PPFIBP2: variants seen among roughly 807,000 people sequenced by gnomAD.
PPFIBP2 encodes the protein PPFIB scaffold protein 2, also known as liprin-beta-2.
In PPFIBP2, 118 loss-of-function variants were observed where a neutral mutation model predicts 118.3. That is an observed-to-expected ratio of 1.00 (90% CI 0.86 to 1.16). The LOEUF is 1.16. PPFIBP2 is among the 50% of genes most tolerant of loss of function. The pLI, the probability that PPFIBP2 is intolerant of heterozygous loss-of-function variation, is 0.00. For synonymous variants in PPFIBP2, 414 were observed against 397.4 expected, an observed-to-expected ratio of 1.04 and a Z score of -0.50; for missense variants, 1,195 against 1,073.1, an observed-to-expected ratio of 1.11 and a Z score of -1.59.
chr11:7,617,605 C>T (rs73413158), intron 6 of PPFIBP2, among the ~76,000 whole-genome samples: 2,173 of 152,240 alleles, frequency 0.014, 49 homozygotes, highest in African/African-American at 0.05. Flanking sequence ...CCTCATGATT[C>T]CCCTTCTCAG....
intron 17 of PPFIBP2, among the ~76,000 whole-genome samples, chr11:7,644,889 T>TGGTGGCGGGCGC (rs1167462025): frequency 3.4e-5 from 5 of 148,872 alleles, no homozygotes; most frequent in Non-Finnish European, 6.0e-5. Context: ...TAGCCGGGCG[T>TGGTGGCGGGCGC]GGTGGCGGGC....
At chr11:7,527,149 A>G (rs1850304134) in intron 1 of PPFIBP2, among the ~76,000 whole-genome samples, 1 of 151,598 alleles carries the variant, frequency 6.6e-6, no homozygotes, top group African/African-American at 2.4e-5. Flanking sequence ...ACCTTGGGCC[A>G]TAGAGTGAGC....
intron 1 of PPFIBP2, among the ~76,000 whole-genome samples, chr11:7,522,575 C>G (rs112370462): frequency 2.6e-5 from 4 of 152,260 alleles, no homozygotes; most frequent in African/African-American, 9.6e-5. Context: ...CAGAGGAGAG[C>G]TGCCAGAAGG....
rs71059113 is a variant in PPFIBP2, at chr11:7,604,479, C to CT, written c.487-5812_487-5811insT. Among the ~76,000 whole-genome samples, 454 of 150,008 alleles carry CT rather than the reference C, an allele frequency of 3.0e-3. 2 individuals are homozygous for CT. The highest frequency in any genetic ancestry group is 0.011 in the African/African-American group (442 of 40,200). On this transcript the variant is annotated intron_variant, in intron 5 of 23. Coordinates refer to ENST00000299492, the MANE Select transcript of PPFIBP2 (RefSeq NM_003621.5). ...TCACCCACCCATACACGCACACACA[C>CT]CCCCCCATACCTACTCACCCACCCA...
intron 2 of PPFIBP2, among the ~76,000 whole-genome samples, chr11:7,551,640 G>A (rs947535359): frequency 6.6e-6 from 1 of 152,068 alleles, no homozygotes; most frequent in Non-Finnish European, 1.5e-5. Flanking sequence ...TAACTTTCTG[G>A]GATTTTGATT....
intron 3 of PPFIBP2, among the ~76,000 whole-genome samples, chr11:7,586,469 A>G (rs150513556): frequency 7.2e-5 from 11 of 152,346 alleles, no homozygotes; most frequent in Non-Finnish European, 1.2e-4. Context: ...AACTGTTTAT[A>G]TCACACAGGA....
At chr11:7,578,228 G>A (rs960509205) in intron 3 of PPFIBP2, among the ~76,000 whole-genome samples, 1 of 152,220 alleles carries the variant, frequency 6.6e-6, no homozygotes, top group Non-Finnish European at 1.5e-5. Flanking sequence ...ATGAACGGAC[G>A]TTGGGGGCTG....
intron 3 of PPFIBP2, among the ~76,000 whole-genome samples, chr11:7,571,120 G>A (rs77502096): frequency 0.011 from 1,626 of 152,294 alleles, 19 homozygotes; most frequent in Middle Eastern, 0.065. Flanking sequence ...TCTCCTGAAT[G>A]AGCAGCCTCT....
At chr11:7,555,528 C>T (rs1183538026) in intron 2 of PPFIBP2, among the ~76,000 whole-genome samples, 1 of 152,202 alleles carries the variant, frequency 6.6e-6, no homozygotes, top group African/African-American at 2.4e-5. Flanking sequence ...TCCCCGGCTT[C>T]TCTGAGGTGC....
At chr11:7,573,005 C>G (rs564432781) in intron 3 of PPFIBP2, among the ~76,000 whole-genome samples, 1 of 152,308 alleles carries the variant, frequency 6.6e-6, no homozygotes, top group East Asian at 1.9e-4. Context: ...ATCTTGAACT[C>G]CTGACCTCAG....
chr11:7,657,775 C>A (rs1854791583), downstream of PPFIBP2, among the ~76,000 whole-genome samples: 1 of 152,202 alleles, frequency 6.6e-6, no homozygotes, highest in African/African-American at 2.4e-5. Context: ...CCCGCATGAT[C>A]CAGTTACAGG....
At chr11:7,555,952 TTTAA>T (rs10564380) in intron 2 of PPFIBP2, among the ~76,000 whole-genome samples, 3,044 of 152,324 alleles carry the variant, frequency 0.02, 90 homozygotes, top group African/African-American at 0.069. Context: ...GTTTTAATTT[TTTAA>T]TTGAGTCTTG....
chr11:7,642,865 C>G (rs1336197116), intron 17 of PPFIBP2, among the ~76,000 whole-genome samples: 1 of 152,198 alleles, frequency 6.6e-6, no homozygotes, highest in Admixed American at 6.5e-5. Flanking sequence ...TGTTTGCAGA[C>G]CTGCATCCCC....
chr11:7,553,799 G>A (rs1000717076), intron 2 of PPFIBP2, among the ~76,000 whole-genome samples: 1 of 152,186 alleles, frequency 6.6e-6, no homozygotes, highest in African/African-American at 2.4e-5. Context: ...ATAGTGCTGA[G>A]ATTTGATTCC....
intron 22 of PPFIBP2, chr11:7,651,168 A>C (rs1418751404): frequency 2.0e-6 from 1 of 506,320 alleles, no homozygotes; most frequent in East Asian, 3.4e-5. Context: ...GCCTTCTGGC[A>C]GCACCTCCTT....
rs142659036 is a variant in PPFIBP2 at position 7,630,934 on chromosome 11, A to G, written c.974A>G (p.Glu325Gly). ...ACCTTAATGCTTGCAGGGCCTTCGGAGAGAACTCTCTCAATCAATGAAGAA... is the reference window on the plus strand; with the variant it reads ...ACCTTAATGCTTGCAGGGCCTTCGGGGAGAACTCTCTCAATCAATGAAGAA... The part of the protein sequence containing the change: ...EIVMVTQGPS[E>G]RTLSINEEEP... Residue 325 changes from glutamate (E) to glycine (G), a missense_variant, in exon 11 of 24, where the codon GAG (glutamate) becomes GGG (glycine). By Grantham distance (98) the Glu-to-Gly change is moderately conservative. Transcript: ENST00000299492. 5.0e-5 allele frequency: 80 copies of G among 1,613,898 alleles called. 1 individual carries two copies. The African/African-American group carries it at 9.9e-4, about 20-fold the overall frequency.
intron 3 of PPFIBP2, among the ~76,000 whole-genome samples, chr11:7,578,936 G>A (rs946864879): frequency 2.6e-5 from 4 of 152,092 alleles, no homozygotes; most frequent in East Asian, 1.9e-4. Context: ...AGACAGAGGC[G>A]GGCAGAGGCT....
At chr11:7,545,975 A>G (rs1188893065) in intron 1 of PPFIBP2, among the ~76,000 whole-genome samples, 1 of 152,146 alleles carries the variant, frequency 6.6e-6, no homozygotes, top group African/African-American at 2.4e-5. Context: ...AATCATATCT[A>G]TGGAATGGAA....
rs1847904755 is a variant in PPFIBP2, at chr11:7,610,270, GA to G, written c.487-20del. 4 of 1,611,232 alleles carry G rather than the reference GA, an allele frequency of 2.5e-6. No homozygotes were observed. Among genetic ancestry groups the G allele is most frequent in the African/African-American group, 1.3e-5 (1 of 74,864 alleles). Reference sequence around the variant, plus strand: ...TATTGCCATAGTGGTTTCTGATTTCGAGATCTGTTTTTGCTTGCAGGAGCTG... The same window carrying G: ...TATTGCCATAGTGGTTTCTGATTTCGGATCTGTTTTTGCTTGCAGGAGCTG... On this transcript the variant is annotated intron_variant, in intron 5 of 23. Coordinates refer to ENST00000299492, the MANE Select transcript of PPFIBP2 (RefSeq NM_003621.5).
Sources: allele counts gnomAD v4.1 joint callset (sites outside exome capture counted in the v4.1 genomes callset), GRCh38; gene constraint gnomAD v4.1.1; transcripts MANE v1.5; gene names NCBI Gene and HGNC (gene_info 2026-07-23, HGNC 2026-07-21).